GET4: variants seen among roughly 807,000 people sequenced by gnomAD.
GET4 encodes Golgi to ER traffic protein 4 homolog.
GET4 carries 20 observed loss-of-function variants against 40.0 expected under a neutral mutation model. The ratio of observed to expected loss-of-function variants is 0.50; its 90% CI spans 0.35 to 0.73. GET4 has a LOEUF of 0.73. Ranked by LOEUF, GET4 falls within the 30% of genes least tolerant of loss-of-function variation. The probability of loss-of-function intolerance (pLI) is 0.01; values close to 1 mark genes in which losing one functional copy is unlikely to be tolerated. For synonymous variants in GET4, 280 were observed against 194.6 expected, an observed-to-expected ratio of 1.44 and a Z score of -3.65; for missense variants, 557 against 454.0, an observed-to-expected ratio of 1.23 and a Z score of -2.06.
At chr7:894,516 C>G (rs1304256009) in intron 8 of GET4, among the ~76,000 whole-genome samples, 1 of 152,188 alleles carries the variant, frequency 6.6e-6, no homozygotes, top group Non-Finnish European at 1.5e-5. Context: ...CCTGGTGCAG[C>G]TGCGTCCTGT....
rs754836312 is a variant in GET4 at position 895,356 on chromosome 7, G to C, written c.918G>C (p.Met306Ile). 5 of 1,586,908 alleles carry C rather than the reference G, an allele frequency of 3.2e-6. No individual in the cohort carries two copies. The highest frequency in any genetic ancestry group is 2.2e-5 in the South Asian group (2 of 89,832). ...GLLGNLLTSL[M>I]GSSEQEDGEE... ...CAGGGAACCTTCTGACCAGCCTCAT[G>C]GGCTCCTCAGAGCAGGAGGATGGGG... is the stretch of plus-strand genomic sequence containing the variant. The change falls in exon 9 of 9, where the codon ATG becomes ATC. Residue 306 changes from methionine (M) to isoleucine (I), a missense_variant. Coordinates refer to ENST00000265857, the MANE Select transcript of GET4 (RefSeq NM_015949.3).
chr7:894,689 A>G (rs1844432368), intron 8 of GET4, among the ~76,000 whole-genome samples: 1 of 152,220 alleles, frequency 6.6e-6, no homozygotes, highest in African/African-American at 2.4e-5. Flanking sequence ...AAGCGCCGTC[A>G]GGGCGTGTCC....
chr7:888,248 G>A (rs1172710860), intron 4 of GET4, among the ~76,000 whole-genome samples: 1 of 152,234 alleles, frequency 6.6e-6, no homozygotes, highest in Admixed American at 6.5e-5. Context: ...TTGCTCTAGA[G>A]TTCCGGATTG....
At chr7:888,727 C>T (rs749056777) in intron 4 of GET4, among the ~76,000 whole-genome samples, 4 of 152,234 alleles carry the variant, frequency 2.6e-5, no homozygotes, top group South Asian at 4.1e-4. Context: ...TGGCCTCTGG[C>T]GACAGCAGGC....
Position 876,702 on chromosome 7 carries a change from C to G in GET4, c.57C>G (p.Asn19Lys), listed in dbSNP as rs747304707. 3 of 1,359,376 alleles carry G rather than the reference C, an allele frequency of 2.2e-6. No individual in the cohort carries two copies. The highest frequency in any genetic ancestry group is 2.9e-6 in the Non-Finnish European group (3 of 1,041,688). The allele number at this position is 1,359,376 out of a possible 1,614,324, so 84.2% of individuals were successfully genotyped here. A position where few individuals can be genotyped will look rare whatever the true frequency, so the allele number is the denominator to read the frequency against. ...EQESARNGGR[N>K]RGGVQRVEGK... ...AGAGCGCCCGGAACGGCGGCCGCAACCGCGGCGGCGTCCAGCGTGTGGAGG... is the reference window on the plus strand; with the variant it reads ...AGAGCGCCCGGAACGGCGGCCGCAAGCGCGGCGGCGTCCAGCGTGTGGAGG... The change falls in exon 1 of 9, where the codon AAC becomes AAG. Residue 19 changes from asparagine to lysine, a missense_variant. Transcript: ENST00000265857.
At chr7:894,895 T>C (rs1844439368) in intron 8 of GET4, among the ~76,000 whole-genome samples, 1 of 152,160 alleles carries the variant, frequency 6.6e-6, no homozygotes, top group Non-Finnish European at 1.5e-5. Context: ...GAGCAGCCGT[T>C]GAAGCTTTGG....
chr7:885,141 T>G (rs941163558), intron 1 of GET4: 1 of 152,252 alleles, frequency 6.6e-6, no homozygotes, highest in African/African-American at 2.4e-5. Context: ...CAAGGCTTTG[T>G]CCAAGGACAT....
chr7:890,792 C>G (rs1391769486), intron 4 of GET4, 136 bp from the exon 5 acceptor site: 1 of 692,306 alleles, frequency 1.4e-6, no homozygotes, highest in African/African-American at 1.8e-5. Flanking sequence ...ATCAGGACCT[C>G]TGCCTGTGGG....
Position 893,822 on chromosome 7 carries a change from G to A in GET4, c.822+7G>A, listed in dbSNP as rs374027022. The stretch of plus-strand genomic sequence containing the variant: ...GGACCCCATGTACAACGAGGTGAGA[G>A]CTTGGGGCTGGGGAGGGAGGAGGGG... On this transcript the variant is annotated splice_region_variant and intron_variant, in intron 7 of 8. Transcript: ENST00000265857. 7.5e-6 allele frequency: 12 copies of A among 1,609,508 alleles called. No individual in the cohort carries two copies. The Admixed American group carries it at 1.0e-4, about 13-fold the overall frequency.
chr7:878,762 C>G (rs1439369043), intron 1 of GET4, among the ~76,000 whole-genome samples: 1 of 151,960 alleles, frequency 6.6e-6, no homozygotes, highest in Admixed American at 6.6e-5. Flanking sequence ...TGTATTTTTA[C>G]TAGAGACGGG....
In GET4 at chr7:876,757, G is replaced by T. The variant is rs1449858369; in HGVS notation, c.112G>T (p.Asp38Tyr). 1 of 1,366,178 alleles carries T rather than the reference G, an allele frequency of 7.3e-7. No homozygotes were observed. The allele number at this position is 1,366,178 out of a possible 1,614,324, so 84.6% of individuals were successfully genotyped here. The change falls in exon 1 of 9, where the codon GAC (aspartate) becomes TAC (tyrosine). Residue 38 changes from aspartate to tyrosine, a missense_variant. By Grantham distance (160) the Asp-to-Tyr change is radical (BLOSUM62 -3). Transcript: ENST00000265857. ...GCTGCGCGCCAGCGTCGAGAAGGGC[G>T]ACTACTACGAGGCGCACCAGATGTA... Reference protein sequence around the residue: ...GKLRASVEKGDYYEAHQMYRT... With the variant: ...GKLRASVEKGYYYEAHQMYRT...
At chr7:892,494 G>A in intron 6 of GET4, 76 bp downstream of exon 6, 2 of 1,469,002 alleles carry the variant, frequency 1.4e-6, no homozygotes, top group African/African-American at 1.4e-5. Flanking sequence ...GGATAGCTGT[G>A]TGGGTGTGTG....
chr7:893,148 T>G, intron 6 of GET4, among the ~76,000 whole-genome samples: 1 of 130,552 alleles, frequency 7.7e-6, no homozygotes, highest in Non-Finnish European at 1.6e-5. Context: ...TGCAGGTGAG[T>G]GTTGGGTGTA....
At chr7:893,199 G>A (rs1165267821) in intron 6 of GET4, among the ~76,000 whole-genome samples, 4 of 140,004 alleles carry the variant, frequency 2.9e-5, no homozygotes, top group Admixed American at 7.1e-5. Context: ...GCGCGGGCGC[G>A]GTGGTGTGTG....
chr7:880,303 T>G (rs969414555), intron 1 of GET4: 2 of 152,308 alleles, frequency 1.3e-5, no homozygotes, highest in Non-Finnish European at 2.9e-5. Flanking sequence ...GTCACGCCAC[T>G]GCGCTCCAGC....
At chr7:889,374 C>G (rs1236889870) in intron 4 of GET4, among the ~76,000 whole-genome samples, 2 of 152,240 alleles carry the variant, frequency 1.3e-5, no homozygotes, top group Non-Finnish European at 2.9e-5. Context: ...CTCCATGACA[C>G]TTGGGCTATG....
At chr7:892,255 C>T (rs113562730) in intron 5 of GET4, 23 bp from the exon 6 acceptor site, 1 of 1,583,126 alleles carries the variant, frequency 6.3e-7, no homozygotes, top group Admixed American at 1.7e-5. Context: ...GCCCTTCCAC[C>T]ACCAGCATGT....
rs372812679 is a variant in GET4 at position 884,372 on chromosome 7, G to A, written c.156-1684G>A. ...CGGTCACAGAGTCAGTGGTCCTGTC[G>A]AGGCTCCTGCTGTGGTGTTGGGGTG... On this transcript the variant is annotated intron_variant, in intron 1 of 8. Transcript: ENST00000265857. 123 of 1,301,914 alleles carry A rather than the reference G, an allele frequency of 9.4e-5. No individual in the cohort carries two copies. In the East Asian group the frequency reaches 1.1e-3, roughly 11 times the overall value. 80.6% of individuals were successfully genotyped at this position (1,301,914 alleles called of 1,614,324 possible). A position where few individuals can be genotyped will look rare whatever the true frequency, so the allele number is the denominator to read the frequency against.
intron 1 of GET4, among the ~76,000 whole-genome samples, chr7:877,478 T>G: frequency 1.5e-5 from 1 of 67,278 alleles, no homozygotes; most frequent in Non-Finnish European, 2.7e-5. Context: ...CCCGCCTCTC[T>G]CCCTGTCCTC....
Sources: gnomAD v4.1 joint callset for allele counts (sites outside exome capture counted in the v4.1 genomes callset) on GRCh38, gnomAD v4.1.1 for gene constraint, MANE v1.5 for transcripts, NCBI Gene and HGNC (gene_info 2026-07-23, HGNC 2026-07-21) for gene names.